Variants in GRID1 observed in about 807,000 individuals in gnomAD.
GRID1 encodes the protein glutamate ionotropic receptor delta type subunit 1, also known as glutamate receptor ionotropic, delta-1.
Under a neutral mutation model 98.0 loss-of-function variants are expected in GRID1, and 28 were observed. The ratio of observed to expected loss-of-function variants is 0.29; its 90% confidence interval spans 0.21 to 0.39. GRID1 has a LOEUF of 0.39. GRID1 is among the 10% of genes least tolerant of loss of function. The pLI, the probability that GRID1 is intolerant of heterozygous loss-of-function variation, is 1.00. For missense variants in GRID1, 1,111 were observed against 1,340.5 expected (o/e 0.83, Z 2.67); for synonymous variants, 553 against 538.5 (o/e 1.03, Z -0.37).
At chr10:85,895,365 A>T (rs1402233473) in intron 5 of GRID1, among the ~76,000 whole-genome samples, 1 of 152,030 alleles carries the variant, frequency 6.6e-6, no homozygotes, top group African/African-American at 2.4e-5. Context: ...CATAATTCAC[A>T]TCACATCATT....
rs544931921 is a variant in GRID1 at position 85,854,421 on chromosome 10, A to C, written c.1233+75T>G. 1,050 of 1,393,434 alleles carry C rather than the reference A, an allele frequency of 7.5e-4. 8 individuals are homozygous for C. Among genetic ancestry groups the C allele is most frequent in the South Asian group, 3.1e-3 (261 of 83,972 alleles). 86.3% of individuals were successfully genotyped at this position (1,393,434 alleles called of 1,614,324 possible). ...GCTAGTTAACAGTTGCTGGGAGCTC[A>C]GGGACCCTGTAGCTGTTGCTGTCTT... On this transcript the variant is annotated intron_variant, in intron 8 of 15. Coordinates refer to ENST00000327946, the MANE Select transcript of GRID1 (RefSeq NM_017551.3).
At chr10:85,610,736 G>T (rs1271990827) in intron 15 of GRID1, among the ~76,000 whole-genome samples, 1 of 152,196 alleles carries the variant, frequency 6.6e-6, no homozygotes, top group East Asian at 1.9e-4. Flanking sequence ...TGAAGGCAGG[G>T]GCCAGGTCTC....
chr10:85,672,513 G>A lies in GRID1; in HGVS notation c.1998-25116C>T, dbSNP rs540760755. Among the ~76,000 whole-genome samples the A allele has an allele frequency of 4.6e-5, 7 of 152,182 alleles. No homozygotes were observed. The South Asian group carries it at 1.5e-3, about 32-fold the overall frequency. On this transcript the variant is annotated intron_variant, in intron 12 of 15. Coordinates refer to ENST00000327946, the MANE Select transcript of GRID1 (RefSeq NM_017551.3). ...AGTTGAGATTGGGTTTCACCATGTT[G>A]GTCAGGATGGTCTTGATCTCTTGAC...
chr10:85,908,597 G>C (rs1841493800), intron 5 of GRID1, among the ~76,000 whole-genome samples: 1 of 152,136 alleles, frequency 6.6e-6, no homozygotes, highest in Non-Finnish European at 1.5e-5. Flanking sequence ...CTATTTTTAT[G>C]ACATCAATTC....
chr10:85,831,887 G>A (rs1842870460), intron 8 of GRID1, among the ~76,000 whole-genome samples: 1 of 151,520 alleles, frequency 6.6e-6, no homozygotes, highest in African/African-American at 2.4e-5. Flanking sequence ...ACCACACATA[G>A]CAAGAAGCCA....
chr10:86,353,686 A>G (rs957807916), intron 2 of GRID1, among the ~76,000 whole-genome samples: 2 of 152,172 alleles, frequency 1.3e-5, no homozygotes, highest in Non-Finnish European at 2.9e-5. Context: ...TGATAAGGAG[A>G]GACCCACCCT....
At chr10:86,295,246 A>G (rs1847571582) in intron 2 of GRID1, among the ~76,000 whole-genome samples, 1 of 152,190 alleles carries the variant, frequency 6.6e-6, no homozygotes, top group African/African-American at 2.4e-5. Context: ...GAGATAACAC[A>G]GTGTCCTTAT....
chr10:86,122,996 C>A (rs1284570841), intron 4 of GRID1, among the ~76,000 whole-genome samples: 3 of 152,202 alleles, frequency 2.0e-5, no homozygotes, highest in Admixed American at 1.3e-4. Flanking sequence ...ACCAAGGGAC[C>A]CAAGCATCAT....
At chr10:85,722,625 C>A (rs561864142) in intron 12 of GRID1, among the ~76,000 whole-genome samples, 1 of 151,228 alleles carries the variant, frequency 6.6e-6, no homozygotes, top group African/African-American at 2.4e-5. Flanking sequence ...TTAAGGTGTT[C>A]GAAGATTGAA....
chr10:86,347,508 T>C (rs554191837), intron 2 of GRID1, among the ~76,000 whole-genome samples: 31 of 152,318 alleles, frequency 2.0e-4, no homozygotes, highest in African/African-American at 7.5e-4. Context: ...GGGACTCCTG[T>C]GAGACTCTTG....
At chr10:85,604,108 G>A (rs1223517790) in intron 15 of GRID1, among the ~76,000 whole-genome samples, 1 of 152,150 alleles carries the variant, frequency 6.6e-6, no homozygotes, top group East Asian at 1.9e-4. Flanking sequence ...CCCCCACAAA[G>A]GGTCAACTCA....
At chr10:86,060,348 TC>T (rs1201878080) in intron 4 of GRID1, among the ~76,000 whole-genome samples, 1 of 152,182 alleles carries the variant, frequency 6.6e-6, no homozygotes, top group Non-Finnish European at 1.5e-5. Flanking sequence ...TGTTCTGTAT[TC>T]CAGCATTTAT....
chr10:85,865,858 C>T (rs1377042077), intron 6 of GRID1, among the ~76,000 whole-genome samples: 1 of 144,512 alleles, frequency 6.9e-6, no homozygotes, highest in Non-Finnish European at 1.5e-5. Flanking sequence ...TGCAAGGAAG[C>T]AGATGCAACA....
chr10:86,234,301 GC>G (rs910565053), intron 2 of GRID1, among the ~76,000 whole-genome samples: 5 of 152,150 alleles, frequency 3.3e-5, no homozygotes, highest in African/African-American at 1.2e-4. Context: ...GGGCACGTCT[GC>G]CCCCAGCTAA....
rs76068399 is a variant in GRID1, at chr10:85,777,265, C to T, written c.1234-47651G>A. 7.9e-3 allele frequency among the ~76,000 whole-genome samples: 1,210 copies of T among 152,322 alleles called. 15 individuals carry two copies. The highest frequency in any genetic ancestry group is 0.028 in the African/African-American group (1,163 of 41,578). ...GCTACAAAAACCTGGGGTCCACTCTCTCCCCTGGGCCCTCCTTTCTCCCAG... is the reference window on the plus strand; with the variant it reads ...GCTACAAAAACCTGGGGTCCACTCTTTCCCCTGGGCCCTCCTTTCTCCCAG... On this transcript the variant is annotated intron_variant, in intron 8 of 15. Transcript: ENST00000327946.
intron 14 of GRID1, among the ~76,000 whole-genome samples, chr10:85,614,855 C>A (rs1268542077): frequency 6.6e-6 from 1 of 152,108 alleles, no homozygotes; most frequent in Non-Finnish European, 1.5e-5. Flanking sequence ...TGTCTGTAAC[C>A]CAGAAGTCTT....
chr10:85,663,786 G>A (rs1840991406), intron 12 of GRID1, among the ~76,000 whole-genome samples: 1 of 152,162 alleles, frequency 6.6e-6, no homozygotes, highest in Non-Finnish European at 1.5e-5. Flanking sequence ...ATAAATGAGT[G>A]AATAAATGAA....
At chr10:85,751,361 G>A (rs1842044199) in intron 8 of GRID1, among the ~76,000 whole-genome samples, 1 of 152,208 alleles carries the variant, frequency 6.6e-6, no homozygotes, top group Admixed American at 6.5e-5. Flanking sequence ...AAGAGTTTGA[G>A]AAGGGTTTGC....
rs377702226 is a variant in GRID1, at chr10:85,613,519, C to T, written c.2489G>A (p.Ser830Asn). 5 of 1,614,084 alleles carry T rather than the reference C, an allele frequency of 3.1e-6. No homozygotes were observed. The African/African-American group carries it at 6.7e-5, about 22-fold the overall frequency. The change falls in exon 15 of 16, where the codon AGC becomes AAC. Residue 830 changes from serine (S) to asparagine (N), a missense_variant. Physicochemically the swap from Ser to Asn is conservative, Grantham distance 46 (BLOSUM62 1). Transcript: ENST00000327946. ...CAGGATGCAGAAGACCCCGGCGAAG[C>T]TGTGCAGCTTGAGGGATTTGCCGTC... The part of the protein sequence containing the change: ...QADGKSLKLH[S>N]FAGVFCILAI...
Sources: gnomAD v4.1 joint callset for allele counts (sites outside exome capture counted in the v4.1 genomes callset) on GRCh38, gnomAD v4.1.1 for gene constraint, MANE v1.5 for transcripts, NCBI Gene and HGNC (gene_info 2026-07-23, HGNC 2026-07-21) for gene names.